The following KLHDC4 variants were observed in gnomAD, a reference collection of about 807,000 sequenced individuals.
KLHDC4 encodes kelch domain containing 4, also known as kelch domain-containing protein 4.
In KLHDC4, 90 loss-of-function variants were observed where a neutral mutation model predicts 62.4. The observed-to-expected ratio is 1.44, with a 90% CI of 1.22 to 1.72. KLHDC4 has a LOEUF of 1.72. Ranked by LOEUF, KLHDC4 falls within the 40% of genes most tolerant of loss-of-function variation. The pLI is 0.00. For missense variants in KLHDC4, 1,025 were observed against 699.7 expected (o/e 1.47, Z -5.25); for synonymous variants, 386 against 284.4 (o/e 1.36, Z -3.59).
chr16:87,743,653 T>C (rs1483033310), intron 5 of KLHDC4, among the ~76,000 whole-genome samples: 1 of 151,400 alleles, frequency 6.6e-6, no homozygotes, highest in African/African-American at 2.4e-5. Context: ...GGCAAGATAA[T>C]GGCGTGAACC....
chr16:87,708,902 G>A (rs1399808290), intron 10 of KLHDC4, among the ~76,000 whole-genome samples: 1 of 152,272 alleles, frequency 6.6e-6, no homozygotes, highest in African/African-American at 2.4e-5. Flanking sequence ...TACGGCAGCA[G>A]AGGGGCCCTG....
chr16:87,764,646 C>CCAAAAAA (rs2046347584), intron 1 of KLHDC4, among the ~76,000 whole-genome samples: 9 of 33,816 alleles, frequency 2.7e-4, no homozygotes, highest in Admixed American at 5.5e-4. Context: ...GAAACTCCTT[C>CCAAAAAA]AAAAAAAAAA....
chr16:87,738,453 G>T (rs1048731310), intron 5 of KLHDC4, among the ~76,000 whole-genome samples: 1 of 152,114 alleles, frequency 6.6e-6, no homozygotes. Flanking sequence ...TGTATGCACT[G>T]TCCGTGAACT....
chr16:87,750,700 C>T (rs2043796175), intron 4 of KLHDC4, among the ~76,000 whole-genome samples: 1 of 152,188 alleles, frequency 6.6e-6, no homozygotes, highest in Non-Finnish European at 1.5e-5. Flanking sequence ...GTCGGTGTTC[C>T]GCCCGCCCGC....
At chr16:87,741,536 G>T (rs2042243049) in intron 5 of KLHDC4, among the ~76,000 whole-genome samples, 1 of 152,212 alleles carries the variant, frequency 6.6e-6, no homozygotes, top group Admixed American at 6.5e-5. Flanking sequence ...AGGTGCAACA[G>T]TTTCATCCTG....
intron 7 of KLHDC4, among the ~76,000 whole-genome samples, chr16:87,716,637 C>T (rs1400664575): frequency 6.6e-6 from 1 of 152,100 alleles, no homozygotes; most frequent in African/African-American, 2.4e-5. Flanking sequence ...TGTTAGAAAC[C>T]AAGAAACCAG....
At chr16:87,746,705 G>A (rs537562546) in intron 5 of KLHDC4, among the ~76,000 whole-genome samples, 12 of 152,178 alleles carry the variant, frequency 7.9e-5, no homozygotes, top group Admixed American at 5.2e-4. Flanking sequence ...AGAAGAGAGT[G>A]AAGCACATAA....
chr16:87,758,654 T>C (rs1299582950), intron 2 of KLHDC4, among the ~76,000 whole-genome samples: 1 of 152,074 alleles, frequency 6.6e-6, no homozygotes, highest in Non-Finnish European at 1.5e-5. Flanking sequence ...TAAAATACAC[T>C]AACACTAACA....
intron 4 of KLHDC4, chr16:87,750,342 G>C (rs1472275392): frequency 6.6e-6 from 1 of 152,426 alleles, no homozygotes; most frequent in Non-Finnish European, 1.5e-5. Flanking sequence ...CATCTCCACA[G>C]GTGAGAGCCG....
exon 1 of KLHDC4, chr16:87,700,349 G>T (rs1201152667): frequency 6.5e-6 from 1 of 154,952 alleles, no homozygotes; most frequent in Non-Finnish European, 1.5e-5. Flanking sequence ...GACAGCACCG[G>T]GCGCAACAAG....
chr16:87,715,383 C>T (rs991453357), intron 7 of KLHDC4, among the ~76,000 whole-genome samples: 1 of 152,162 alleles, frequency 6.6e-6, no homozygotes, highest in Non-Finnish European at 1.5e-5. Context: ...CTCCTTGGCG[C>T]CCTTGTGACG....
At chr16:87,749,702 G>A (rs1451159061) in intron 4 of KLHDC4, among the ~76,000 whole-genome samples, 1 of 152,060 alleles carries the variant, frequency 6.6e-6, no homozygotes. Flanking sequence ...TCCCACTTCA[G>A]CCTCCTGAGT....
chr16:87,737,952 G>A (rs761930962), intron 5 of KLHDC4, among the ~76,000 whole-genome samples: 11 of 152,108 alleles, frequency 7.2e-5, no homozygotes, highest in Non-Finnish European at 1.5e-4. Flanking sequence ...ACTATCATCC[G>A]TCAGCAAACA....
At chr16:87,721,244 C>T (rs149019281) in intron 7 of KLHDC4, among the ~76,000 whole-genome samples, 6,549 of 152,018 alleles carry the variant, frequency 0.043, 439 homozygotes, top group African/African-American at 0.15. Context: ...CGCAGTAAAA[C>T]CCCGTCTCTA....
chr16:87,731,198 G>C lies in KLHDC4; in HGVS notation c.507-554C>G, dbSNP rs906200340. 7.3e-5 allele frequency among the ~76,000 whole-genome samples: 11 copies of C among 151,628 alleles called. No homozygotes were observed. The East Asian group carries it at 1.4e-3, about 19-fold the overall frequency. On this transcript the variant is annotated intron_variant, in intron 5 of 11. Transcript: ENST00000270583. ...CCTGCCTCAGCCTCCTGAGTAGCTG[G>C]AATTACAAGCGTGCACCACCACACC...
At chr16:87,729,501 C>T (rs2039963664) in intron 6 of KLHDC4, 1 of 152,278 alleles carries the variant, frequency 6.6e-6, no homozygotes, top group African/African-American at 2.4e-5. Context: ...CGACACTTCA[C>T]TCAGAACACA....
At chr16:87,699,784 G>T (rs118040507) in exon 1 of KLHDC4, 4,396 of 152,402 alleles carry the variant, frequency 0.029, 81 homozygotes, top group Middle Eastern at 0.068. Context: ...CAGGCCATGG[G>T]CCAGCGGTCC....
chr16:87,705,380 A>G (rs1268148368), downstream of KLHDC4, among the ~76,000 whole-genome samples: 1 of 152,230 alleles, frequency 6.6e-6, no homozygotes, highest in Non-Finnish European at 1.5e-5. Flanking sequence ...CCACGGTTCC[A>G]CACTGAAGGG....
intron 5 of KLHDC4, among the ~76,000 whole-genome samples, chr16:87,744,570 T>C (rs1213577271): frequency 4.9e-5 from 7 of 143,890 alleles, no homozygotes; most frequent in South Asian, 2.3e-4. Flanking sequence ...GCAACAGAGC[T>C]AGACTGTCTC....
Sources: allele counts gnomAD v4.1 joint callset (sites outside exome capture counted in the v4.1 genomes callset), GRCh38; gene constraint gnomAD v4.1.1; transcripts MANE v1.5; gene names NCBI Gene and HGNC (gene_info 2026-07-23, HGNC 2026-07-21).